Variants in FBXO32 observed in about 807,000 individuals in gnomAD.
FBXO32 encodes the protein F-box protein 32.
Under a neutral mutation model 48.3 loss-of-function variants are expected in FBXO32, and 15 were observed. That is an observed-to-expected ratio of 0.31 (90% CI 0.21 to 0.48). The LOEUF is 0.48. Among genes scored for constraint, FBXO32 ranks in the 20% least tolerant of loss-of-function variants. The pLI is 0.99. For missense variants in FBXO32, 309 were observed against 432.7 expected (o/e 0.71, Z 2.54); for synonymous variants, 154 against 165.9 (o/e 0.93, Z 0.55).
At chr8:123,509,568 C>T (rs1476988854) in intron 6 of FBXO32, among the ~76,000 whole-genome samples, 2 of 151,918 alleles carry the variant, frequency 1.3e-5, no homozygotes, top group Admixed American at 6.6e-5. Flanking sequence ...GGTGTGGTGG[C>T]GAGTGACTGT....
intron 1 of FBXO32, 94 bp from the exon 2 acceptor site, chr8:123,534,908 C>T (rs575537439): frequency 2.9e-6 from 2 of 687,564 alleles, no homozygotes; most frequent in Non-Finnish European, 4.9e-6. Flanking sequence ...ATAAGACAAA[C>T]AAACATACAG....
intron 6 of FBXO32, among the ~76,000 whole-genome samples, chr8:123,507,055 C>T (rs529327022): frequency 1.6e-4 from 24 of 152,260 alleles, no homozygotes; most frequent in African/African-American, 2.9e-4. Context: ...TTCGCCTCCC[C>T]AGTCTTCTCT....
In FBXO32 at chr8:123,502,259, A is replaced by T. The variant is rs1816508868; in HGVS notation, c.*1114T>A. The T allele has an allele frequency of 6.6e-6, 1 of 152,262 alleles. No homozygotes were observed. The highest frequency in any genetic ancestry group is 1.9e-4 in the East Asian group (1 of 5,196). The allele number at this position is 152,262 out of a possible 1,614,324, so 9.4% of individuals were successfully genotyped here. A position where few individuals can be genotyped will look rare whatever the true frequency, so the allele number is the denominator to read the frequency against. On this transcript the variant is annotated 3_prime_UTR_variant, in exon 9 of 9. Transcript: ENST00000517956. ...AACTGGTAAGATGTTTAATTGGCTG[A>T]TTGTAAAACCTGTCTTTCGAGCCTC...
intron 4 of FBXO32, chr8:123,526,871 T>C (rs1563925052): frequency 6.6e-6 from 1 of 152,166 alleles, no homozygotes; most frequent in East Asian, 1.9e-4. Flanking sequence ...TTTTTTTTTT[T>C]CTGTAGAAAT....
intron 4 of FBXO32, among the ~76,000 whole-genome samples, chr8:123,520,991 T>A (rs1816940636): frequency 6.6e-6 from 1 of 152,164 alleles, no homozygotes; most frequent in South Asian, 2.1e-4. Context: ...CTCCATCCCA[T>A]CCCTCAGGTC....
chr8:123,540,045 G>A lies in FBXO32; in HGVS notation c.116+854C>T, dbSNP rs1587006329. Among the ~76,000 whole-genome samples the A allele has an allele frequency of 6.6e-6, 1 of 152,202 alleles. No individual in the cohort carries two copies. The highest frequency in any genetic ancestry group is 2.1e-4 in the South Asian group (1 of 4,832). Reference sequence around the variant, plus strand: ...TTAGCCAAGCTGAGCAGGGAGCGCAGCGGACCTCAGGTTTCCCGCCAGACC... The same window carrying A: ...TTAGCCAAGCTGAGCAGGGAGCGCAACGGACCTCAGGTTTCCCGCCAGACC... On this transcript the variant is annotated intron_variant, in intron 1 of 8. Transcript: ENST00000517956. This position sits in a 1 kb window ranked among gnomAD's most constrained non-coding sequence, Gnocchi z 6.4.
At position 123,506,437 on chromosome 8, in the gene FBXO32, C is replaced by T. The variant is rs761654660; in HGVS notation, c.789G>A (p.Arg263=). The T allele has an allele frequency of 8.7e-6, 14 of 1,614,012 alleles. No homozygotes were observed. In the Admixed American group the frequency reaches 2.3e-4, roughly 27 times the overall value. Residue 263 remains arginine, a synonymous_variant, in exon 7 of 9, where the codon CGG becomes CGA. Coordinates refer to ENST00000517956, the MANE Select transcript of FBXO32 (RefSeq NM_058229.4). The surrounding 1 kb of genome is among the most constrained non-coding windows in gnomAD (Gnocchi z 4.0). ...ACTGGCAGAGTTTCTTCCACAGCAG[C>T]CGGTCTTCGCTGAGCACGTGCAGGT... ...APDLHVLSED[R]LLWKKLCQYH...
At position 123,498,266 on chromosome 8, in the gene FBXO32, CT is replaced by C. The variant is rs1816399510; in HGVS notation, c.*5106del. On this transcript the variant is annotated 3_prime_UTR_variant, in exon 9 of 9. Transcript: ENST00000517956. The stretch of plus-strand genomic sequence containing the variant: ...AGCTTGGAGCCTTCTGCTTAACAGA[CT>C]TGTGCTTCGTTAATTAAACAAACAC... 1 of 152,224 alleles carries C rather than the reference CT, an allele frequency of 6.6e-6. No homozygotes were observed. Among genetic ancestry groups the C allele is most frequent in the African/African-American group, 2.4e-5 (1 of 41,458 alleles). 9.4% of individuals were successfully genotyped at this position (152,224 alleles called of 1,614,324 possible). A position where few individuals can be genotyped will look rare whatever the true frequency, so the allele number is the denominator to read the frequency against.
intron 4 of FBXO32, among the ~76,000 whole-genome samples, chr8:123,516,208 CAAACA>C (rs768160804): frequency 2.0e-5 from 3 of 152,140 alleles, no homozygotes; most frequent in Non-Finnish European, 2.9e-5. Flanking sequence ...AAAGAGTTAA[CAAACA>C]AAAGAGGTTG....
intron 4 of FBXO32, among the ~76,000 whole-genome samples, chr8:123,514,835 T>C (rs1484235882): frequency 2.0e-5 from 3 of 152,256 alleles, no homozygotes; most frequent in Non-Finnish European, 2.9e-5. Context: ...GCTTCTGCAG[T>C]GTTCAATAAA....
intron 4 of FBXO32, 125 bp downstream of exon 4, chr8:123,531,773 T>C (rs1304502829): frequency 2.4e-5 from 27 of 1,142,288 alleles, no homozygotes; most frequent in Non-Finnish European, 3.2e-5. Flanking sequence ...GTCTGTTTTC[T>C]GCTTGCCTCA....
chr8:123,515,338 T>C (rs1276513504), intron 4 of FBXO32, among the ~76,000 whole-genome samples: 2 of 151,932 alleles, frequency 1.3e-5, no homozygotes, highest in African/African-American at 4.8e-5. Flanking sequence ...CAGGTTCAAG[T>C]GATTCTCCTG....
At position 123,501,774 on chromosome 8, in the gene FBXO32, T is replaced by C. The variant is rs1487034652; in HGVS notation, c.*1599A>G. On this transcript the variant is annotated 3_prime_UTR_variant, in exon 9 of 9. Coordinates refer to ENST00000517956, the MANE Select transcript of FBXO32 (RefSeq NM_058229.4). ...AAGATACACTGTTCCTCAACTTGAA[T>C]GTGGACTGTGTTCCTATTTCTGCTT... is the stretch of plus-strand genomic sequence containing the variant. The C allele has an allele frequency of 2.0e-5, 3 of 152,156 alleles. No individual in the cohort carries two copies. The East Asian group carries it at 5.8e-4, about 29-fold the overall frequency. The allele number at this position is 152,156 out of a possible 1,614,324, so 9.4% of individuals were successfully genotyped here. A position where few individuals can be genotyped will look rare whatever the true frequency, so the allele number is the denominator to read the frequency against.
Position 123,503,168 on chromosome 8 carries a change from C to A in FBXO32, c.*205G>T. The A allele has an allele frequency of 2.2e-6, 1 of 446,466 alleles. No individual in the cohort carries two copies. The highest frequency in any genetic ancestry group is 4.0e-6 in the Non-Finnish European group (1 of 251,504). 27.7% of individuals were successfully genotyped at this position (446,466 alleles called of 1,614,324 possible). ...ATTTACAGTATTTTGCTTTTCCATA[C>A]CAATTCTAGTGAGAAGTTCACATTC... On this transcript the variant is annotated 3_prime_UTR_variant, in exon 9 of 9. Coordinates refer to ENST00000517956, the MANE Select transcript of FBXO32 (RefSeq NM_058229.4).
Position 123,503,478 on chromosome 8 carries a change from T to C in FBXO32, c.979-16A>G, listed in dbSNP as rs373701474. ...GGTCAGTGCCCTGGAAAGGAACACA[T>C]GGTTAGCTTCAAGTTCTCAGAGGCC... On this transcript the variant is annotated splice_polypyrimidine_tract_variant and intron_variant, in intron 8 of 8. Coordinates refer to ENST00000517956, the MANE Select transcript of FBXO32 (RefSeq NM_058229.4). The C allele has an allele frequency of 8.7e-6, 14 of 1,610,876 alleles. No individual in the cohort carries two copies. Among genetic ancestry groups the C allele is most frequent in the Non-Finnish European group, 1.2e-5 (14 of 1,177,476 alleles).
intron 1 of FBXO32, among the ~76,000 whole-genome samples, chr8:123,538,248 T>C (rs1817347159): frequency 6.6e-6 from 1 of 151,092 alleles, no homozygotes; most frequent in African/African-American, 2.4e-5. Context: ...CCAGAATAGG[T>C]GTGCTGTGTG....
chr8:123,533,623 CA>C (rs1817252067), intron 2 of FBXO32, among the ~76,000 whole-genome samples: 1 of 152,154 alleles, frequency 6.6e-6, no homozygotes, highest in African/African-American at 2.4e-5. Flanking sequence ...GCCTGGCCAA[CA>C]TGGTGAAACC....
chr8:123,534,877 C>A, intron 1 of FBXO32, 63 bp from the exon 2 acceptor site: 1 of 958,290 alleles, frequency 1.0e-6, no homozygotes, highest in Non-Finnish European at 1.6e-6. Flanking sequence ...TGAGCTGTTT[C>A]TATAAATAAC....
At chr8:123,535,242 T>G (rs550646803) in intron 1 of FBXO32, among the ~76,000 whole-genome samples, 35 of 152,050 alleles carry the variant, frequency 2.3e-4, no homozygotes, top group Non-Finnish European at 4.6e-4. Flanking sequence ...TGCTGCTGCT[T>G]CTTTAGAAAA....
Sources: allele counts gnomAD v4.1 joint callset (sites outside exome capture counted in the v4.1 genomes callset), GRCh38; gene constraint gnomAD v4.1.1; non-coding constraint Gnocchi (gnomAD v3.1); transcripts MANE v1.5; gene names NCBI Gene and HGNC (gene_info 2026-07-23, HGNC 2026-07-21).